The following HECW1 variants were observed in gnomAD, a reference collection of about 807,000 sequenced individuals.
HECW1 encodes the protein HECT, C2 and WW domain containing E3 ubiquitin protein ligase 1.
A neutral mutation model predicts 182.3 loss-of-function variants in HECW1; 61 were observed. That is an observed-to-expected ratio of 0.33 (90% CI 0.27 to 0.41). HECW1 has a LOEUF of 0.41. HECW1 is among the 10% of genes least tolerant of loss of function. The pLI is 1.00. For missense variants in HECW1, 1,739 were observed against 2,108.9 expected, an observed-to-expected ratio of 0.82 and a Z score of 3.44; for synonymous variants, 859 against 832.6, an observed-to-expected ratio of 1.03 and a Z score of -0.55.
intron 4 of HECW1, among the ~76,000 whole-genome samples, chr7:43,313,565 G>A (rs1035489917): frequency 1.3e-5 from 2 of 152,172 alleles, no homozygotes; most frequent in South Asian, 2.1e-4. Context: ...TCGAACTCCC[G>A]ACCTCAGGTG....
intron 5 of HECW1, among the ~76,000 whole-genome samples, chr7:43,333,213 A>T (rs1811713330): frequency 6.6e-6 from 1 of 152,240 alleles, no homozygotes; most frequent in African/African-American, 2.4e-5. Flanking sequence ...AGACATCACT[A>T]GACTATCACA....
intron 8 of HECW1, among the ~76,000 whole-genome samples, chr7:43,420,142 A>G (rs1238419321): frequency 6.6e-6 from 1 of 152,250 alleles, no homozygotes; most frequent in Non-Finnish European, 1.5e-5. Context: ...GGGAGCTAAG[A>G]ACATAAAGTA....
chr7:43,263,920 A>G (rs1182648819), intron 3 of HECW1, among the ~76,000 whole-genome samples: 1 of 152,234 alleles, frequency 6.6e-6, no homozygotes, highest in African/African-American at 2.4e-5. Context: ...AATGATAAAA[A>G]TGCACAAATC....
chr7:43,525,558 A>G (rs928976699), intron 24 of HECW1, among the ~76,000 whole-genome samples: 2 of 152,216 alleles, frequency 1.3e-5, no homozygotes, highest in Admixed American at 6.5e-5. Context: ...GTTATTCTCA[A>G]TTAAAAATAG....
At chr7:43,153,397 C>A (rs902570670) in intron 2 of HECW1, among the ~76,000 whole-genome samples, 2 of 152,158 alleles carry the variant, frequency 1.3e-5, no homozygotes, top group Non-Finnish European at 2.9e-5. Flanking sequence ...AAAAGTGTCT[C>A]CCCCTACAAA....
chr7:43,146,607 A>G lies in HECW1; in HGVS notation c.-32+32216A>G, dbSNP rs546276105. On this transcript the variant is annotated intron_variant, in intron 2 of 29. Transcript: ENST00000395891. ...CCCAAGCATTACTGTAACAATTCTG[A>G]ACCACTGCTTGTCTATTCACCTGGT... 1.1e-4 allele frequency among the ~76,000 whole-genome samples: 17 copies of G among 152,352 alleles called. No homozygotes were observed. In the South Asian group the frequency reaches 3.5e-3, roughly 32 times the overall value.
chr7:43,369,060 A>G (rs1816986878), intron 6 of HECW1, among the ~76,000 whole-genome samples: 2 of 152,230 alleles, frequency 1.3e-5, no homozygotes, highest in Admixed American at 6.5e-5. Context: ...ACATGTTGCT[A>G]GGAATGGATC....
rs144362805 is a variant in HECW1 at position 43,290,514 on chromosome 7, T to C, written c.28-21249T>C. ...CAATGCTGGTTAGCTGTGCCTAAAC[T>C]CCAGAAGGGAGGGGGTATAACGAGG... On this transcript the variant is annotated intron_variant, in intron 3 of 29. Coordinates refer to ENST00000395891, the MANE Select transcript of HECW1 (RefSeq NM_015052.5). Among the ~76,000 whole-genome samples the C allele has an allele frequency of 5.4e-4, 82 of 152,292 alleles. 1 individual carries two copies. The highest frequency in any genetic ancestry group is 1.9e-3 in the African/African-American group (79 of 41,562).
intron 6 of HECW1, among the ~76,000 whole-genome samples, chr7:43,388,267 G>C (rs753174067): frequency 2.6e-5 from 4 of 152,118 alleles, no homozygotes; most frequent in Non-Finnish European, 2.9e-5. Flanking sequence ...TGTAAAGAAG[G>C]AATAAAACAT....
intron 2 of HECW1, among the ~76,000 whole-genome samples, chr7:43,232,721 C>T (rs1475953312): frequency 3.3e-5 from 5 of 152,176 alleles, no homozygotes; most frequent in African/African-American, 9.7e-5. Flanking sequence ...TGGCCAAAGC[C>T]AGACCTCCGC....
intron 6 of HECW1, among the ~76,000 whole-genome samples, chr7:43,382,494 A>G (rs527991757): frequency 5.4e-4 from 82 of 152,312 alleles, no homozygotes; most frequent in African/African-American, 1.8e-3. Flanking sequence ...AAATACATAG[A>G]TTTCAACATC....
intron 7 of HECW1, among the ~76,000 whole-genome samples, chr7:43,400,196 A>G (rs1446731158): frequency 6.6e-6 from 1 of 152,196 alleles, no homozygotes; most frequent in East Asian, 1.9e-4. Flanking sequence ...TAACTGTGCA[A>G]CTGTACTCCA....
chr7:43,139,575 A>G (rs1197921284), intron 2 of HECW1, among the ~76,000 whole-genome samples: 1 of 152,122 alleles, frequency 6.6e-6, no homozygotes, highest in Non-Finnish European at 1.5e-5. Context: ...GCGTTTTCAC[A>G]TGATTCGTGC....
chr7:43,358,052 G>C (rs915823239), intron 5 of HECW1, among the ~76,000 whole-genome samples: 7 of 152,082 alleles, frequency 4.6e-5, no homozygotes, highest in African/African-American at 1.7e-4. Flanking sequence ...CAAAGGCATT[G>C]AAATAATTTT....
chr7:43,213,751 T>A (rs569867215), intron 2 of HECW1, among the ~76,000 whole-genome samples: 8 of 152,218 alleles, frequency 5.3e-5, no homozygotes, highest in Admixed American at 3.9e-4. Flanking sequence ...AGCCAATAAT[T>A]TTTTTAAAAA....
chr7:43,437,288 C>A (rs988071619), intron 8 of HECW1, among the ~76,000 whole-genome samples: 1 of 152,162 alleles, frequency 6.6e-6, no homozygotes, highest in Non-Finnish European at 1.5e-5. Context: ...TTCTCAGTTT[C>A]AAAGATTTAT....
At chr7:43,273,950 C>A (rs1436020482) in intron 3 of HECW1, among the ~76,000 whole-genome samples, 1 of 151,704 alleles carries the variant, frequency 6.6e-6, no homozygotes, top group Non-Finnish European at 1.5e-5. Flanking sequence ...CTCCCGGGTT[C>A]AAGCGATTCT....
intron 8 of HECW1, among the ~76,000 whole-genome samples, chr7:43,430,779 T>TTTATTATTATTATTATTATTA (rs150459406): frequency 0.19 from 27,325 of 141,430 alleles, 3,010 homozygotes; most frequent in East Asian, 0.37. Flanking sequence ...TTTATTTTTC[T>TTTATTATTATTATTATTATTA]TTATTATTAT....
chr7:43,319,840 T>C (rs959866781), intron 4 of HECW1, among the ~76,000 whole-genome samples: 1 of 148,374 alleles, frequency 6.7e-6, no homozygotes, highest in Non-Finnish European at 1.5e-5. Context: ...CTCGAACTGC[T>C]GACCTCAGGT....
Sources: allele counts gnomAD v4.1 joint callset (sites outside exome capture counted in the v4.1 genomes callset), GRCh38; gene constraint gnomAD v4.1.1; transcripts MANE v1.5; gene names NCBI Gene and HGNC (gene_info 2026-07-23, HGNC 2026-07-21).